Variants in REC114 observed in about 807,000 individuals in gnomAD.
The protein encoded by REC114 is REC114 meiotic recombination protein, also known as meiotic recombination protein REC114.
A neutral mutation model predicts 31.3 loss-of-function variants in REC114; 27 were observed. The observed-to-expected ratio is 0.86, with a 90% CI of 0.64 to 1.19. The LOEUF (loss-of-function observed/expected upper bound fraction) is 1.19. Ranked by LOEUF, REC114 falls within the 50% of genes most tolerant of loss-of-function variation. The pLI, the probability that REC114 is intolerant of heterozygous loss-of-function variation, is 0.00. For missense variants in REC114, 344 were observed against 326.9 expected (o/e 1.05, Z -0.40); for synonymous variants, 134 against 127.7 (o/e 1.05, Z -0.33).
chr15:73,546,989 G>A (rs1440780085), intron 3 of REC114, among the ~76,000 whole-genome samples: 1 of 152,098 alleles, frequency 6.6e-6, no homozygotes, highest in East Asian at 1.9e-4. Flanking sequence ...AAACTCTCCA[G>A]GATGTTGATC....
intron 2 of REC114, among the ~76,000 whole-genome samples, chr15:73,520,291 GCA>G (rs1893918003): frequency 6.6e-6 from 1 of 152,006 alleles, no homozygotes; most frequent in Non-Finnish European, 1.5e-5. Flanking sequence ...GAGTGCAGTG[GCA>G]CAGTCTTGGC....
intron 2 of REC114, among the ~76,000 whole-genome samples, chr15:73,540,106 G>A (rs963102724): frequency 6.6e-6 from 1 of 152,154 alleles, no homozygotes; most frequent in Non-Finnish European, 1.5e-5. Flanking sequence ...AGACGTGCCA[G>A]ATAAGTTAAT....
At chr15:73,537,719 G>A (rs1391148939) in intron 2 of REC114, among the ~76,000 whole-genome samples, 8 of 152,178 alleles carry the variant, frequency 5.3e-5, no homozygotes, top group Admixed American at 4.6e-4. Context: ...CAGCACAAAT[G>A]TTTGCACAAA....
Position 73,491,855 on chromosome 15 carries a change from A to G in REC114, c.249+17934A>G, listed in dbSNP as rs147048283. On this transcript the variant is annotated intron_variant, in intron 2 of 5. Coordinates refer to ENST00000331090, the MANE Select transcript of REC114 (RefSeq NM_001042367.2). ...GCGGAGGTTGCAGTGAGCTGAGATC[A>G]TGCCGCTACACTCCAGCCTGGGTGA... Among the ~76,000 whole-genome samples, 1,333 of 152,128 alleles carry G rather than the reference A, an allele frequency of 8.8e-3. 18 individuals are homozygous for G. The highest frequency in any genetic ancestry group is 0.029 in the African/African-American group (1,190 of 41,518).
intron 2 of REC114, among the ~76,000 whole-genome samples, chr15:73,528,053 G>A (rs757935120): frequency 9.9e-5 from 15 of 151,946 alleles, no homozygotes; most frequent in Non-Finnish European, 1.5e-4. Context: ...AGTTTCAAAT[G>A]ACACTTTTTT....
At position 73,501,767 on chromosome 15, in the gene REC114, G is replaced by C. The variant is rs140982271; in HGVS notation, c.249+27846G>C. On this transcript the variant is annotated intron_variant, in intron 2 of 5. Coordinates refer to ENST00000331090, the MANE Select transcript of REC114 (RefSeq NM_001042367.2). ...GCCACCAGTTTTATTATTAAAGAAGGACAGAATTGACTCACTTTTAAGCAA... is the reference window on the plus strand; with the variant it reads ...GCCACCAGTTTTATTATTAAAGAAGCACAGAATTGACTCACTTTTAAGCAA... 1.1e-3 allele frequency among the ~76,000 whole-genome samples: 172 copies of C among 152,206 alleles called. 1 individual carries two copies. The East Asian group carries it at 0.031, about 27-fold the overall frequency.
At chr15:73,456,708 T>C (rs58354121) in intron 1 of REC114, among the ~76,000 whole-genome samples, 7,676 of 152,250 alleles carry the variant, frequency 0.05, 326 homozygotes, top group African/African-American at 0.12. Flanking sequence ...TATAGATAAG[T>C]GAACTGAAAC....
intron 2 of REC114, among the ~76,000 whole-genome samples, chr15:73,514,911 A>G (rs1180846982): frequency 6.6e-6 from 1 of 151,496 alleles, no homozygotes; most frequent in African/African-American, 2.4e-5. Context: ...AATGGGCACT[A>G]CTGCCTTTAA....
chr15:73,500,137 A>T (rs1893584286), intron 2 of REC114, among the ~76,000 whole-genome samples: 3 of 152,094 alleles, frequency 2.0e-5, no homozygotes, highest in Admixed American at 1.3e-4. Flanking sequence ...CCATCCTGCT[A>T]TTAGAATGCC....
chr15:73,517,426 A>G (rs1466326177), intron 2 of REC114, among the ~76,000 whole-genome samples: 1 of 152,248 alleles, frequency 6.6e-6, no homozygotes, highest in African/African-American at 2.4e-5. Flanking sequence ...TTAGTAAATA[A>G]AGAAGATGAC....
intron 2 of REC114, among the ~76,000 whole-genome samples, chr15:73,476,670 G>A (rs974859179): frequency 1.3e-5 from 2 of 152,158 alleles, no homozygotes; most frequent in Non-Finnish European, 1.5e-5. Context: ...CTTCCATTCA[G>A]TATAATTTGA....
chr15:73,532,627 C>T (rs1217078384), intron 2 of REC114, among the ~76,000 whole-genome samples: 1 of 152,068 alleles, frequency 6.6e-6, no homozygotes, highest in Admixed American at 6.6e-5. Context: ...CCTATTTCTC[C>T]ACATCCTCTC....
intron 2 of REC114, among the ~76,000 whole-genome samples, chr15:73,490,100 A>G (rs1283222552): frequency 6.6e-6 from 1 of 152,204 alleles, no homozygotes; most frequent in Admixed American, 6.5e-5. Context: ...CACCATTCCA[A>G]AAGAATTTCA....
intron 2 of REC114, among the ~76,000 whole-genome samples, chr15:73,516,436 C>T (rs911938030): frequency 6.6e-6 from 1 of 152,002 alleles, no homozygotes; most frequent in African/African-American, 2.4e-5. Context: ...AAACAAATTT[C>T]ACACAGAGTT....
At chr15:73,465,134 T>A (rs1357150804) in intron 1 of REC114, among the ~76,000 whole-genome samples, 2 of 152,144 alleles carry the variant, frequency 1.3e-5, no homozygotes, top group Non-Finnish European at 2.9e-5. Flanking sequence ...TCATGTGATC[T>A]GCCTGCTTCG....
chr15:73,491,910 A>G (rs1291615022), intron 2 of REC114, among the ~76,000 whole-genome samples: 1 of 152,046 alleles, frequency 6.6e-6, no homozygotes, highest in Non-Finnish European at 1.5e-5. Flanking sequence ...AAGAAAAAAA[A>G]AAAAGTGATT....
At chr15:73,464,175 G>C (rs1034015260) in intron 1 of REC114, among the ~76,000 whole-genome samples, 3 of 151,048 alleles carry the variant, frequency 2.0e-5, no homozygotes, top group Non-Finnish European at 2.9e-5. Flanking sequence ...TCCTAGTTTT[G>C]CTCTATTTTT....
At chr15:73,538,887 A>T (rs1304606562) in intron 2 of REC114, among the ~76,000 whole-genome samples, 2 of 151,650 alleles carry the variant, frequency 1.3e-5, no homozygotes, top group Non-Finnish European at 2.9e-5. Flanking sequence ...AGTTGTTTCC[A>T]ATCTTATGTT....
At chr15:73,499,982 T>A (rs1005362562) in intron 2 of REC114, among the ~76,000 whole-genome samples, 1 of 152,178 alleles carries the variant, frequency 6.6e-6, no homozygotes, top group Non-Finnish European at 1.5e-5. Context: ...ATAAACCCCA[T>A]GCATCCATCA....
Sources: gnomAD v4.1 joint callset for allele counts (sites outside exome capture counted in the v4.1 genomes callset) on GRCh38, gnomAD v4.1.1 for gene constraint, MANE v1.5 for transcripts, NCBI Gene and HGNC (gene_info 2026-07-23, HGNC 2026-07-21) for gene names.